Variants in DRC4 observed in about 807,000 individuals in gnomAD.
The protein encoded by DRC4 is GAS-11.
chr16:90,025,070 G>A, the DRC4 span, among the ~76,000 whole-genome samples: 1 of 147,608 alleles, frequency 6.8e-6, no homozygotes, highest in African/African-American at 2.5e-5. Flanking sequence ...AGGCTGGAGT[G>A]CAGTGGCATG....
At chr16:90,039,994 C>T in the DRC4 span, 1 of 418,550 alleles carries the variant, frequency 2.4e-6, no homozygotes, top group Admixed American at 3.5e-5. Flanking sequence ...CCTCGGCCAC[C>T]CATGAAGCAG....
chr16:90,020,299 A>G, the DRC4 span: 7 of 391,260 alleles, frequency 1.8e-5, no homozygotes, highest in Admixed American at 1.3e-4. Flanking sequence ...CTATGATTGT[A>G]TGTCTCAAAA....
chr16:90,025,485 C>A, the DRC4 span, among the ~76,000 whole-genome samples: 33 of 151,156 alleles, frequency 2.2e-4, no homozygotes, highest in South Asian at 1.0e-3. Flanking sequence ...CCCGTCTCTA[C>A]TAAAAATACA....
the DRC4 span, among the ~76,000 whole-genome samples, chr16:90,041,036 G>C: frequency 6.6e-6 from 1 of 152,168 alleles, no homozygotes; most frequent in East Asian, 1.9e-4. Context: ...ACTGGGCCCA[G>C]TGAGCACAGG....
At chr16:90,025,647 CTCAAAA>C in the DRC4 span, among the ~76,000 whole-genome samples, 2 of 67,318 alleles carry the variant, frequency 3.0e-5, no homozygotes, top group South Asian at 1.2e-3. Context: ...AAGACTCTGT[CTCAAAA>C]AAAAAAAAAA....
chr16:90,043,608 C>T, the DRC4 span: 26 of 607,072 alleles, frequency 4.3e-5, no homozygotes, highest in South Asian at 4.0e-4. Context: ...TCACCTCCGA[C>T]CACAGTCGGC....
chr16:90,044,475 C>A, the DRC4 span: 2 of 470,222 alleles, frequency 4.3e-6, no homozygotes, highest in Admixed American at 4.7e-5. Flanking sequence ...TGAGCCTCAG[C>A]CCCCTCCAGC....
chr16:90,044,301 G>T, the DRC4 span: 2 of 429,096 alleles, frequency 4.7e-6, no homozygotes, highest in Non-Finnish European at 4.6e-6. Context: ...CTGGGCAGGT[G>T]AGTGACGGGT....
At chr16:90,028,792 G>C in the DRC4 span, 1 of 612,062 alleles carries the variant, frequency 1.6e-6, no homozygotes, top group Non-Finnish European at 2.4e-6. Context: ...TGTCAACTCT[G>C]TGTTATTGTT....
the DRC4 span, chr16:90,027,842 G>C: frequency 2.2e-6 from 2 of 895,832 alleles, no homozygotes; most frequent in Non-Finnish European, 3.5e-6. Context: ...GCCAGAACAC[G>C]CCCCCCGCGT....
chr16:90,022,846 T>C, the DRC4 span: 1 of 995,350 alleles, frequency 1.0e-6, no homozygotes, highest in South Asian at 2.8e-5. Flanking sequence ...TTTCTGGAAT[T>C]GAGAGCTCGG....
At chr16:90,039,977 A>G in the DRC4 span, 1 of 386,896 alleles carries the variant, frequency 2.6e-6, no homozygotes, top group Non-Finnish European at 5.0e-6. Context: ...CACTCGGGCA[A>G]GACTGGCCTC....
At chr16:90,040,237 C>G in the DRC4 span, 65 of 1,487,944 alleles carry the variant, frequency 4.4e-5, no homozygotes, top group African/African-American at 8.6e-4. Context: ...GAGGCAGCAT[C>G]TTCCCAGCGA....
the DRC4 span, chr16:90,035,993 C>T: frequency 9.4e-7 from 1 of 1,066,652 alleles, no homozygotes; most frequent in Non-Finnish European, 1.3e-6. Context: ...AAATAGTCTT[C>T]TCCATGGCTC....
chr16:90,043,467 C>T, the DRC4 span: 6 of 998,778 alleles, frequency 6.0e-6, no homozygotes, highest in South Asian at 9.9e-5. Context: ...AAGCTTTTCA[C>T]ATGTTCTTGC....
the DRC4 span, chr16:90,037,988 G>A: frequency 1.3e-6 from 1 of 746,062 alleles, no homozygotes; most frequent in Non-Finnish European, 2.3e-6. Context: ...GGCTCTCCTT[G>A]TGGCCCCTGG....
chr16:90,019,851 G>A, the DRC4 span: 10 of 643,488 alleles, frequency 1.6e-5, no homozygotes, highest in Middle Eastern at 5.0e-4. This position sits in a 1 kb window ranked among gnomAD's most constrained non-coding sequence, Gnocchi z 6.1. Context: ...CTCGCGCTGG[G>A]TAATGACAGA....
At chr16:90,022,715 T>G in the DRC4 span, 11,000 of 1,417,528 alleles carry the variant, frequency 7.8e-3, 555 homozygotes, top group African/African-American at 0.12. Context: ...GCCTGTCCGC[T>G]GGCGTCATGG....
At chr16:90,037,415 G>T in the DRC4 span, 1 of 1,602,418 alleles carries the variant, frequency 6.2e-7, no homozygotes, top group Admixed American at 1.7e-5. Context: ...TTTCCCGCTG[G>T]ATTCCTCTCC....
Sources: gnomAD v4.1 joint callset for allele counts (sites outside exome capture counted in the v4.1 genomes callset) on GRCh38, gnomAD v4.1.1 for gene constraint, Gnocchi (gnomAD v3.1) non-coding constraint, MANE v1.5 for transcripts, NCBI Gene and HGNC (gene_info 2026-07-23, HGNC 2026-07-21) for gene names.